Variants in BMP2K observed in about 807,000 individuals in gnomAD.
BMP2K encodes the protein BMP2 inducible kinase, also known as BMP-2-inducible protein kinase.
Under a neutral mutation model 116.0 loss-of-function variants are expected in BMP2K, and 74 were observed. The ratio of observed to expected loss-of-function variants is 0.64; its 90% CI spans 0.53 to 0.77. The LOEUF is 0.77. Among genes scored for constraint, BMP2K ranks in the 30% least tolerant of loss-of-function variants. BMP2K has a pLI of 0.00. For missense variants in BMP2K, 1,365 were observed against 1,403.6 expected, an observed-to-expected ratio of 0.97 and a Z score of 0.44; for synonymous variants, 486 against 502.5, an observed-to-expected ratio of 0.97 and a Z score of 0.44.
chr4:78,898,264 T>G (rs796221164), intron 15 of BMP2K, among the ~76,000 whole-genome samples: 3 of 152,182 alleles, frequency 2.0e-5, no homozygotes, highest in African/African-American at 4.8e-5. Context: ...AAATTGAGTT[T>G]AGGATTGGGA....
chr4:78,806,974 C>G (rs931104551), intron 1 of BMP2K, among the ~76,000 whole-genome samples: 1 of 151,732 alleles, frequency 6.6e-6, no homozygotes, highest in South Asian at 2.1e-4. Flanking sequence ...ATCAGCTTCC[C>G]GAGTAGCTGG....
In BMP2K at chr4:78,792,062, G is replaced by A. The variant is rs1728029226; in HGVS notation, c.178+15341G>A. Among the ~76,000 whole-genome samples, 6 of 152,296 alleles carry A rather than the reference G, an allele frequency of 3.9e-5. No individual in the cohort carries two copies. In the South Asian group the frequency reaches 1.2e-3, roughly 32 times the overall value. On this transcript the variant is annotated intron_variant, in intron 1 of 15. Coordinates refer to ENST00000502613, the MANE Select transcript of BMP2K (RefSeq NM_198892.2). Reference sequence around the variant, plus strand: ...CCTGTACCATTTTACATTCCCAACAGCATTGCACATGGGCTCCAGTTTCTC... The same window carrying A: ...CCTGTACCATTTTACATTCCCAACAACATTGCACATGGGCTCCAGTTTCTC...
chr4:78,870,964 GCAGCAGCAGCAACAGCAA>G lies in BMP2K; in HGVS notation c.1425_1442del (p.Gln481_Gln486del). ...AGCAGCAGCAGCAGCAACAGCAACA[GCAGCAGCAGCAACAGCAA>G]CAGCAGCAGCAGCAGCAGCAGCAGC... On this transcript the variant is annotated inframe_deletion, in exon 11 of 16. Transcript: ENST00000502613. 1.2e-6 allele frequency: 2 copies of G among 1,610,010 alleles called. No individual in the cohort carries two copies. The highest frequency in any genetic ancestry group is 8.5e-7 in the Non-Finnish European group (1 of 1,178,876).
At chr4:78,844,560 C>A (rs1265575815) in intron 4 of BMP2K, among the ~76,000 whole-genome samples, 2 of 151,560 alleles carry the variant, frequency 1.3e-5, no homozygotes, top group Non-Finnish European at 3.0e-5. Flanking sequence ...ACTAGTTCTT[C>A]TCTTTTATAA....
intron 14 of BMP2K, among the ~76,000 whole-genome samples, chr4:78,882,579 T>C (rs1352481617): frequency 6.6e-6 from 1 of 151,932 alleles, no homozygotes; most frequent in Non-Finnish European, 1.5e-5. Context: ...TATTTAATAC[T>C]TTAAACAGTA....
rs771713654 is a variant in BMP2K, at chr4:78,844,924, T to G, written c.547-4T>G. 2 of 1,589,996 alleles carry G rather than the reference T, an allele frequency of 1.3e-6. No individual in the cohort carries two copies. The highest frequency in any genetic ancestry group is 2.7e-5 in the African/African-American group (2 of 74,188). On this transcript the variant is annotated splice_polypyrimidine_tract_variant and splice_region_variant and intron_variant, in intron 4 of 15. Coordinates refer to ENST00000502613, the MANE Select transcript of BMP2K (RefSeq NM_198892.2). ...CTACTCATTATTGATTTTCTTTTCT[T>G]AAGGTAGAAAATATTTTGTTGAATG...
Position 78,911,412 on chromosome 4 carries a change from G to C in BMP2K, c.2865G>C (p.Gly955=). 6.2e-7 allele frequency: 1 copy of C among 1,613,984 alleles called. No individual in the cohort carries two copies. The highest frequency in any genetic ancestry group is 1.3e-5 in the African/African-American group (1 of 75,052). ...GTGAAAGCAATGAGGACCTTTTTGGGCTTGTGCCCTTTGATGAAATAACGG... is the reference window on the plus strand; with the variant it reads ...GTGAAAGCAATGAGGACCTTTTTGGCCTTGTGCCCTTTGATGAAATAACGG... ...SKSESNEDLF[G]LVPFDEITGS... is the part of the protein sequence containing the mutation. Residue 955 remains glycine, a synonymous_variant, in exon 16 of 16, where the codon GGG becomes GGC. Transcript: ENST00000502613.
At chr4:78,862,127 A>G (rs1038807582) in intron 9 of BMP2K, among the ~76,000 whole-genome samples, 20 of 152,162 alleles carry the variant, frequency 1.3e-4, no homozygotes, top group Non-Finnish European at 2.8e-4. Flanking sequence ...TGGTCACAGC[A>G]ATTTTGTATT....
chr4:78,876,487 A>C (rs1162520761), intron 13 of BMP2K, among the ~76,000 whole-genome samples: 1 of 152,212 alleles, frequency 6.6e-6, no homozygotes, highest in Non-Finnish European at 1.5e-5. Context: ...AGCCTTCAGT[A>C]AGTATTTAAG....
rs181269767 is a variant in BMP2K at position 78,798,456 on chromosome 4, C to G, written c.178+21735C>G. ...GGGAGAACATAACTGGTTTTCTTTTCTTAGCTTCCTTTCTGTAGCATAAAA... is the reference window on the plus strand; with the variant it reads ...GGGAGAACATAACTGGTTTTCTTTTGTTAGCTTCCTTTCTGTAGCATAAAA... On this transcript the variant is annotated intron_variant, in intron 1 of 15. Coordinates refer to ENST00000502613, the MANE Select transcript of BMP2K (RefSeq NM_198892.2). Among the ~76,000 whole-genome samples, 147 of 152,270 alleles carry G rather than the reference C, an allele frequency of 9.7e-4. 2 individuals are homozygous for G. The highest frequency in any genetic ancestry group is 9.4e-3 in the Admixed American group (144 of 15,298).
At chr4:78,782,745 A>G (rs1038687331) in intron 1 of BMP2K, among the ~76,000 whole-genome samples, 11 of 152,210 alleles carry the variant, frequency 7.2e-5, no homozygotes, top group African/African-American at 2.7e-4. Flanking sequence ...TTAAAAAAGT[A>G]TGTTACATGC....
chr4:78,884,967 G>A (rs2110072038), intron 14 of BMP2K, among the ~76,000 whole-genome samples: 1 of 152,238 alleles, frequency 6.6e-6, no homozygotes, highest in South Asian at 2.1e-4. Context: ...AGTAAAATGA[G>A]CATTTGTTAC....
rs553092305 is a variant in BMP2K at position 78,783,541 on chromosome 4, C to T, written c.178+6820C>T. On this transcript the variant is annotated intron_variant, in intron 1 of 15. Transcript: ENST00000502613. ...ATTGTACAGGATGGGCATGGTGGCT[C>T]ACGCCTGTAATCCCAGCACTTTGGG... Among the ~76,000 whole-genome samples the T allele has an allele frequency of 1.0e-3, 159 of 152,116 alleles. 1 individual carries two copies. Among genetic ancestry groups the T allele is most frequent in the Non-Finnish European group, 1.1e-3 (73 of 68,026 alleles).
intron 13 of BMP2K, among the ~76,000 whole-genome samples, chr4:78,874,710 C>T (rs1212558429): frequency 6.6e-6 from 1 of 152,176 alleles, no homozygotes; most frequent in Non-Finnish European, 1.5e-5. Context: ...AATTGGAAAT[C>T]TGTCTAAACT....
intron 1 of BMP2K, among the ~76,000 whole-genome samples, chr4:78,788,215 T>C (rs1038083712): frequency 1.3e-5 from 2 of 152,150 alleles, no homozygotes; most frequent in African/African-American, 4.8e-5. Flanking sequence ...AAAAAGTTGC[T>C]ACTGACTCAT....
chr4:78,810,011 TTTG>T (rs1270441489), intron 1 of BMP2K, among the ~76,000 whole-genome samples: 1 of 152,206 alleles, frequency 6.6e-6, no homozygotes, highest in African/African-American at 2.4e-5. Flanking sequence ...CTCAGGATTT[TTTG>T]TTGTTGTTGC....
rs1186443511 is a variant in BMP2K at position 78,865,695 on chromosome 4, T to C, written c.1206T>C (p.Gly402=). ...CACCTGTTAAAGTCCTTGCTCCTGGTGAATTCGGTAACCATAGACCAAAAG... is the reference window on the plus strand; with the variant it reads ...CACCTGTTAAAGTCCTTGCTCCTGGCGAATTCGGTAACCATAGACCAAAAG... ...SATPVKVLAP[G]EFGNHRPKGA... is the part of the protein sequence containing the mutation. Residue 402 remains glycine (G), a synonymous_variant, in exon 10 of 16, where the codon GGT becomes GGC. Coordinates refer to ENST00000502613, the MANE Select transcript of BMP2K (RefSeq NM_198892.2). 3.7e-6 allele frequency: 6 copies of C among 1,614,136 alleles called. No homozygotes were observed. In the South Asian group the frequency reaches 6.6e-5, roughly 18 times the overall value.
intron 1 of BMP2K, among the ~76,000 whole-genome samples, chr4:78,809,207 C>A (rs1440957856): frequency 1.3e-5 from 2 of 152,032 alleles, no homozygotes; most frequent in Non-Finnish European, 2.9e-5. Flanking sequence ...ATTTCTAATG[C>A]ATTTCCTTGT....
At chr4:78,820,340 G>A (rs887206807) in intron 1 of BMP2K, among the ~76,000 whole-genome samples, 1 of 152,072 alleles carries the variant, frequency 6.6e-6, no homozygotes, top group Non-Finnish European at 1.5e-5. Context: ...AACTTTTAGG[G>A]TTTTCTTGTT....
Sources: gnomAD v4.1 joint callset for allele counts (sites outside exome capture counted in the v4.1 genomes callset) on GRCh38, gnomAD v4.1.1 for gene constraint, MANE v1.5 for transcripts, NCBI Gene and HGNC (gene_info 2026-07-23, HGNC 2026-07-21) for gene names.